NRBF2: variants seen among roughly 807,000 people sequenced by gnomAD.
NRBF2 encodes nuclear receptor binding factor 2.
In NRBF2, 12 loss-of-function variants were observed where a neutral mutation model predicts 28.5. The ratio of observed to expected loss-of-function variants is 0.42; its 90% CI spans 0.27 to 0.68. NRBF2 has a LOEUF of 0.68. NRBF2 is among the 30% of genes least tolerant of loss of function. NRBF2 has a pLI of 0.24. For synonymous variants in NRBF2, 102 were observed against 116.5 expected (o/e 0.88, Z 0.80); for missense variants, 274 against 333.5 (o/e 0.82, Z 1.39).
intron 1 of NRBF2, among the ~76,000 whole-genome samples, chr10:63,140,738 T>C (rs1458173488): frequency 6.6e-6 from 1 of 151,502 alleles, no homozygotes; most frequent in Non-Finnish European, 1.5e-5. Context: ...TCTCACTCTG[T>C]CACCCAGGCT....
At chr10:63,147,611 CTTTTTT>C (rs56136949) in intron 2 of NRBF2, among the ~76,000 whole-genome samples, 1,930 of 134,132 alleles carry the variant, frequency 0.014, 33 homozygotes, top group African/African-American at 0.037. Context: ...TGCTCTCAGC[CTTTTTT>C]TTTTTTTTTT....
At chr10:63,142,780 C>CTTTCT (rs1554821458) in intron 1 of NRBF2, among the ~76,000 whole-genome samples, 3 of 74,942 alleles carry the variant, frequency 4.0e-5, no homozygotes, top group African/African-American at 1.7e-4. Context: ...TTCTTTCTTT[C>CTTTCT]TTTTTTTTTT....
rs1841559881 is a variant in NRBF2, at chr10:63,146,282, A to G, written c.104A>G (p.Lys35Arg). 5.0e-6 allele frequency: 8 copies of G among 1,611,466 alleles called. No individual in the cohort carries two copies. The highest frequency in any genetic ancestry group is 2.2e-5 in the East Asian group (1 of 44,840). The change falls in exon 2 of 4, where the codon AAA (lysine) becomes AGA (arginine). Residue 35 changes from lysine (K) to arginine (R), a missense_variant. Coordinates refer to ENST00000277746, the MANE Select transcript of NRBF2 (RefSeq NM_030759.5). Reference protein sequence around the residue: ...GKYEEAISCHKKAAAYLSEAM... With the variant: ...GKYEEAISCHRKAAAYLSEAM... ...TACGAAGAGGCTATTTCTTGTCACA[A>G]AAAGGCTGCAGGTGAGTATTCTTAT...
At position 63,154,119 on chromosome 10, in the gene NRBF2, C is replaced by T. The variant is rs1841694178; in HGVS notation, c.765C>T (p.Asp255=). ...KFAANTGKAK[D]IPIPNLPPLD... ...CAGCAAATACTGGGAAAGCCAAGGA[C>T]ATTCCAATCCCCAATCTTCCTCCCT... Residue 255 remains aspartate, a synonymous_variant, in exon 4 of 4, where the codon GAC becomes GAT. Transcript: ENST00000277746. 2 of 1,613,894 alleles carry T rather than the reference C, an allele frequency of 1.2e-6. No homozygotes were observed. The highest frequency in any genetic ancestry group is 1.7e-6 in the Non-Finnish European group (2 of 1,179,770).
chr10:63,150,662 A>G (rs1317841032), intron 2 of NRBF2, among the ~76,000 whole-genome samples: 2 of 152,202 alleles, frequency 1.3e-5, no homozygotes, highest in Non-Finnish European at 2.9e-5. Context: ...TTTTTGGATG[A>G]TTCAAGCACA....
In NRBF2 at chr10:63,154,335, G is replaced by A. The variant is rs574637331; in HGVS notation, c.*117G>A. On this transcript the variant is annotated 3_prime_UTR_variant, in exon 4 of 4. Transcript: ENST00000277746. The stretch of plus-strand genomic sequence containing the variant: ...GGTAATCCCGGAAATGCTTCATCTG[G>A]TGGACTGTGGGAGCAGAGGCATTGC... The A allele has an allele frequency of 1.7e-4, 119 of 699,878 alleles. No individual in the cohort carries two copies. Among genetic ancestry groups the A allele is most frequent in the Middle Eastern group, 4.9e-4 (2 of 4,066 alleles). The allele number at this position is 699,878 out of a possible 1,614,324, so 43.4% of individuals were successfully genotyped here. A position where few individuals can be genotyped will look rare whatever the true frequency, so the allele number is the denominator to read the frequency against.
At position 63,143,749 on chromosome 10, in the gene NRBF2, A is replaced by ATTTT. The variant is rs35270148; in HGVS notation, c.31-2442_31-2439dup. Among the ~76,000 whole-genome samples the ATTTT allele has an allele frequency of 9.5e-5, 11 of 115,984 alleles. No individual in the cohort carries two copies. The East Asian group carries it at 2.2e-3, about 23-fold the overall frequency. 76.1% of individuals were successfully genotyped at this position (115,984 alleles called of 152,430 possible). ...TCACAGGCATGAGCCACCATGCCCGATTTTTTTTTTTTTTTTTTTTTGAGA... is the reference window on the plus strand; with the variant it reads ...TCACAGGCATGAGCCACCATGCCCGATTTTTTTTTTTTTTTTTTTTTTTTTGAGA... On this transcript the variant is annotated intron_variant, in intron 1 of 3. Transcript: ENST00000277746.
chr10:63,142,613 A>G (rs1841490587), intron 1 of NRBF2, among the ~76,000 whole-genome samples: 1 of 152,008 alleles, frequency 6.6e-6, no homozygotes, highest in Non-Finnish European at 1.5e-5. Context: ...GCTTGTGCAT[A>G]CTAGCTTTCT....
chr10:63,142,304 TTTTTTTG>T (rs1177306291), intron 1 of NRBF2, among the ~76,000 whole-genome samples: 2 of 149,210 alleles, frequency 1.3e-5, no homozygotes, highest in Non-Finnish European at 3.0e-5. Context: ...TTTTTTTTGT[TTTTTTTG>T]TTTTTTTTTG....
chr10:63,141,838 G>A (rs185314283), intron 1 of NRBF2, among the ~76,000 whole-genome samples: 1 of 152,248 alleles, frequency 6.6e-6, no homozygotes, highest in East Asian at 1.9e-4. Context: ...CTTAAAATAC[G>A]AAATTTGATT....
chr10:63,140,715 T>TA (rs1466572183), intron 1 of NRBF2, among the ~76,000 whole-genome samples: 7 of 151,822 alleles, frequency 4.6e-5, no homozygotes, highest in Non-Finnish European at 8.8e-5. Context: ...CTTTTTTTTT[T>TA]TTTGAGATGG....
At position 63,154,227 on chromosome 10, in the gene NRBF2, G is replaced by T. The variant is rs757572788; in HGVS notation, c.*9G>T. 49 of 1,514,336 alleles carry T rather than the reference G, an allele frequency of 3.2e-5. 1 individual carries two copies. In the South Asian group the frequency reaches 5.3e-4, roughly 16 times the overall value. 93.8% of individuals were successfully genotyped at this position (1,514,336 alleles called of 1,614,324 possible). On this transcript the variant is annotated 3_prime_UTR_variant, in exon 4 of 4. Coordinates refer to ENST00000277746, the MANE Select transcript of NRBF2 (RefSeq NM_030759.5). ...GATTTATGAATAATTAAAATGGAAGGCCACAGAAAAGGGGAAAAGAGGAAA... is the reference window on the plus strand; with the variant it reads ...GATTTATGAATAATTAAAATGGAAGTCCACAGAAAAGGGGAAAAGAGGAAA...
At chr10:63,145,329 C>T (rs908834971) in intron 1 of NRBF2, among the ~76,000 whole-genome samples, 4 of 152,062 alleles carry the variant, frequency 2.6e-5, no homozygotes, top group East Asian at 1.9e-4. Flanking sequence ...CCGCCTCGGC[C>T]TCCCAAAGTG....
chr10:63,143,893 C>A (rs1841516249), intron 1 of NRBF2, among the ~76,000 whole-genome samples: 1 of 151,716 alleles, frequency 6.6e-6, no homozygotes. Context: ...GCTGGGACTA[C>A]TACTACAGGT....
At position 63,144,839 on chromosome 10, in the gene NRBF2, T is replaced by C. The variant is rs559680978; in HGVS notation, c.31-1370T>C. Among the ~76,000 whole-genome samples the C allele has an allele frequency of 4.6e-5, 7 of 152,316 alleles. No individual in the cohort carries two copies. The East Asian group carries it at 1.3e-3, about 29-fold the overall frequency. ...TTGGCTGTTGTGAATAATGCTGTTA[T>C]GAATATGGGTGTACAATGCTTTTTG... is the stretch of plus-strand genomic sequence containing the variant. On this transcript the variant is annotated intron_variant, in intron 1 of 3. Coordinates refer to ENST00000277746, the MANE Select transcript of NRBF2 (RefSeq NM_030759.5).
intron 2 of NRBF2, among the ~76,000 whole-genome samples, chr10:63,149,474 G>C (rs899246118): frequency 2.0e-5 from 3 of 152,196 alleles, no homozygotes; most frequent in Non-Finnish European, 4.4e-5. Context: ...ATTAAAGGAA[G>C]TAGTTTAACG....
intron 1 of NRBF2, among the ~76,000 whole-genome samples, chr10:63,141,071 TAA>T (rs1841459660): frequency 6.6e-6 from 1 of 152,190 alleles, no homozygotes; most frequent in African/African-American, 2.4e-5. Flanking sequence ...TTAATATGTG[TAA>T]ACTGTAAAAG....
At chr10:63,144,432 T>TG (rs1554821579) in intron 1 of NRBF2, among the ~76,000 whole-genome samples, 1 of 151,458 alleles carries the variant, frequency 6.6e-6, no homozygotes, top group Non-Finnish European at 1.5e-5. Context: ...TTTTTTTTTT[T>TG]GAGACACAGT....
intron 1 of NRBF2, among the ~76,000 whole-genome samples, chr10:63,137,973 T>C (rs1003416069): frequency 6.6e-6 from 1 of 152,140 alleles, no homozygotes; most frequent in Non-Finnish European, 1.5e-5. Flanking sequence ...AAATATGAGA[T>C]ATTCCCCCTA....
Sources: gnomAD v4.1 joint callset for allele counts (sites outside exome capture counted in the v4.1 genomes callset) on GRCh38, gnomAD v4.1.1 for gene constraint, MANE v1.5 for transcripts, NCBI Gene and HGNC (gene_info 2026-07-23, HGNC 2026-07-21) for gene names.